Variants in IRAG2 observed in about 807,000 individuals in gnomAD.
IRAG2 encodes the protein inositol 1,4,5-triphosphate receptor associated 2.
IRAG2 carries 45 observed loss-of-function variants against 69.9 expected under a neutral mutation model. The ratio of observed to expected loss-of-function variants is 0.64; its 90% CI spans 0.51 to 0.83. The LOEUF (loss-of-function observed/expected upper bound fraction) is 0.83. Ranked by LOEUF, IRAG2 falls within the 40% of genes least tolerant of loss-of-function variation. The pLI is 0.00. For missense variants in IRAG2, 520 were observed against 587.0 expected, an observed-to-expected ratio of 0.89 and a Z score of 1.18; for synonymous variants, 193 against 202.4, an observed-to-expected ratio of 0.95 and a Z score of 0.40.
At chr12:25,063,905 T>C (rs1945794685) in intron 4 of IRAG2, 89 bp downstream of exon 4, 6 of 398,264 alleles carry the variant, frequency 1.5e-5, no homozygotes, top group Non-Finnish European at 2.7e-5. Context: ...TACATTTGTA[T>C]AGGAAGAATT....
At chr12:25,066,750 A>G (rs1051405119) in intron 5 of IRAG2, among the ~76,000 whole-genome samples, 1 of 151,786 alleles carries the variant, frequency 6.6e-6, no homozygotes, top group African/African-American at 2.4e-5. Flanking sequence ...CCCGAGGTCA[A>G]GCAATTCTCA....
intron 16 of IRAG2, among the ~76,000 whole-genome samples, chr12:25,039,353 C>T (rs928661330): frequency 4.6e-5 from 7 of 152,168 alleles, no homozygotes; most frequent in African/African-American, 1.7e-4. Context: ...CCCACACTTC[C>T]CCATAGTGGT....
At chr12:25,061,036 C>G (rs1945600704) in intron 1 of IRAG2, among the ~76,000 whole-genome samples, 1 of 152,104 alleles carries the variant, frequency 6.6e-6, no homozygotes, top group Non-Finnish European at 1.5e-5. Flanking sequence ...TCACATGTAT[C>G]TATCAAAGTA....
Position 25,077,187 on chromosome 12 carries a change from TATATATATGAAATATATATATG to T in IRAG2, c.25-2037_25-2016del, listed in dbSNP as rs1193078010. On this transcript the variant is annotated intron_variant, in intron 6 of 21. Coordinates refer to ENST00000556887, the MANE Select transcript of IRAG2 (RefSeq NM_001366544.2). ...CCTTGTTCATTTCATATATATATGATATATATATGAAATATATATATGATATATATGAAATATATATGATATA... is the reference window on the plus strand; with the variant it reads ...CCTTGTTCATTTCATATATATATGATATATATATGAAATATATATGATATA... 6.7e-3 allele frequency among the ~76,000 whole-genome samples: 424 copies of T among 63,006 alleles called. 10 individuals are homozygous for T. The highest frequency in any genetic ancestry group is 0.012 in the Non-Finnish European group (313 of 26,834). The allele number at this position is 63,006 out of a possible 152,430, so 41.3% of individuals were successfully genotyped here.
intron 3 of IRAG2, among the ~76,000 whole-genome samples, chr12:25,011,869 CAG>C (rs1269823438): frequency 1.3e-5 from 2 of 152,122 alleles, no homozygotes; most frequent in Non-Finnish European, 2.9e-5. Flanking sequence ...GATACTCTCA[CAG>C]AGAATTGAGC....
Position 25,034,708 on chromosome 12 carries a change from T to C in IRAG2, c.1743+761T>C, listed in dbSNP as rs188619846. On this transcript the variant is annotated intron_variant, in intron 13 of 38. Transcript: ENST00000636465. Reference sequence around the variant, plus strand: ...TCTTCCTATCTGTGGACGATAGATATGTCAGAATGTTCTCCTGTTGACAGC... The same window carrying C: ...TCTTCCTATCTGTGGACGATAGATACGTCAGAATGTTCTCCTGTTGACAGC... 3.9e-3 allele frequency among the ~76,000 whole-genome samples: 594 copies of C among 152,354 alleles called. 4 individuals carry two copies. Among genetic ancestry groups the C allele is most frequent in the African/African-American group, 0.014 (571 of 41,582 alleles).
intron 15 of IRAG2, chr12:25,097,649 A>C (rs1316424711): frequency 6.6e-6 from 1 of 152,220 alleles, no homozygotes; most frequent in Non-Finnish European, 1.5e-5. Flanking sequence ...ATATTTTCTT[A>C]AGGAGAAATT....
chr12:25,099,758 T>C (rs1565587940), intron 15 of IRAG2, among the ~76,000 whole-genome samples: 1 of 151,968 alleles, frequency 6.6e-6, no homozygotes, highest in African/African-American at 2.4e-5. Context: ...TCCTAGCACC[T>C]TGGGAGGCCA....
At chr12:25,087,907 C>A (rs1947747735) in intron 10 of IRAG2, among the ~76,000 whole-genome samples, 193 bp from the exon 11 acceptor site, 1 of 152,150 alleles carries the variant, frequency 6.6e-6, no homozygotes, top group African/African-American at 2.4e-5. Flanking sequence ...CCTTCAGAAA[C>A]TGTTTCCCCC....
intron 14 of IRAG2, chr12:25,036,536 T>A (rs187980487): frequency 2.5e-6 from 1 of 398,460 alleles, no homozygotes; most frequent in Admixed American, 4.4e-5. Context: ...ATTCTGATTA[T>A]ATAATAGCAT....
At chr12:25,092,030 G>C (rs1025993903) in intron 14 of IRAG2, among the ~76,000 whole-genome samples, 1 of 152,214 alleles carries the variant, frequency 6.6e-6, no homozygotes, top group Non-Finnish European at 1.5e-5. Flanking sequence ...ACTTTGGAAG[G>C]CTGAGGCAGG....
At chr12:25,014,611 C>T (rs188642177) in intron 3 of IRAG2, among the ~76,000 whole-genome samples, 13 of 152,226 alleles carry the variant, frequency 8.5e-5, no homozygotes, top group Middle Eastern at 3.4e-3. Context: ...GTGTGCTACA[C>T]AGCCTGTACA....
chr12:25,098,415 ACAAT>A (rs764489238), intron 15 of IRAG2, among the ~76,000 whole-genome samples: 16 of 152,180 alleles, frequency 1.1e-4, no homozygotes, highest in Non-Finnish European at 5.9e-5. Context: ...GGAAACTGGG[ACAAT>A]CAAAGGAAAC....
At chr12:25,069,936 T>G (rs1946227673) in intron 6 of IRAG2, among the ~76,000 whole-genome samples, 1 of 152,104 alleles carries the variant, frequency 6.6e-6, no homozygotes, top group Admixed American at 6.5e-5. Context: ...AAGAGAATAA[T>G]GCTAAATGAC....
In IRAG2 at chr12:25,024,527, A is replaced by G. The variant is rs61912239; in HGVS notation, c.1383+606A>G. On this transcript the variant is annotated intron_variant, in intron 8 of 38. Transcript: ENST00000636465. The stretch of plus-strand genomic sequence containing the variant: ...ACAGGGAACAAGCTACTAGCAAGTT[A>G]CTATTTTGCTGGGAAAATTCCTTTT... Among the ~76,000 whole-genome samples the G allele has an allele frequency of 2.3e-3, 353 of 152,384 alleles. 4 individuals carry two copies. Among genetic ancestry groups the G allele is most frequent in the Non-Finnish European group, 3.7e-3 (251 of 68,038 alleles).
intron 9 of IRAG2, among the ~76,000 whole-genome samples, chr12:25,081,362 G>C (rs1947203183): frequency 6.6e-6 from 1 of 152,208 alleles, no homozygotes; most frequent in South Asian, 2.1e-4. Context: ...TACTCGGGAG[G>C]CTGAGGCAGG....
At position 25,097,001 on chromosome 12, in the gene IRAG2, C is replaced by T. The variant is rs1383271879; in HGVS notation, c.698C>T (p.Ala233Val). ...KSIKFLSQCA[A>V]RVASRAEMLG... ...ATAAAGTTTCTTAGCCAGTGTGCAGCACGAGTGGCCAGTAGGGCTGAGATG... is the reference window on the plus strand; with the variant it reads ...ATAAAGTTTCTTAGCCAGTGTGCAGTACGAGTGGCCAGTAGGGCTGAGATG... Residue 233 changes from alanine to valine, a missense_variant, in exon 15 of 22, where the codon GCA becomes GTA. By Grantham distance (64) the Ala-to-Val change is moderately conservative. Coordinates refer to ENST00000556887, the MANE Select transcript of IRAG2 (RefSeq NM_001366544.2). 5 of 1,613,348 alleles carry T rather than the reference C, an allele frequency of 3.1e-6. No individual in the cohort carries two copies. In the African/African-American group the frequency reaches 6.7e-5, roughly 22 times the overall value.
intron 16 of IRAG2, among the ~76,000 whole-genome samples, chr12:25,040,194 T>C (rs1029515105): frequency 5.3e-5 from 8 of 152,222 alleles, no homozygotes; most frequent in Non-Finnish European, 1.0e-4. Context: ...ACAAAATAAT[T>C]TGACTGTGGA....
At chr12:25,079,987 T>C (rs1947087298) in intron 9 of IRAG2, among the ~76,000 whole-genome samples, 1 of 152,250 alleles carries the variant, frequency 6.6e-6, no homozygotes, top group Admixed American at 6.5e-5. Flanking sequence ...TTTTTCGATT[T>C]TGTAGCCAGA....
Sources: gnomAD v4.1 joint callset for allele counts (sites outside exome capture counted in the v4.1 genomes callset) on GRCh38, gnomAD v4.1.1 for gene constraint, MANE v1.5 for transcripts, NCBI Gene and HGNC (gene_info 2026-07-23, HGNC 2026-07-21) for gene names.